Variants in TRABD2B observed in about 807,000 individuals in gnomAD.
The protein encoded by TRABD2B is metalloprotease TIKI2.
A neutral mutation model predicts 40.1 loss-of-function variants in TRABD2B; 14 were observed. The ratio of observed to expected loss-of-function variants is 0.35; its 90% confidence interval spans 0.23 to 0.55. The LOEUF is 0.55. TRABD2B is among the 20% of genes least tolerant of loss of function. The pLI, the probability that TRABD2B is intolerant of heterozygous loss-of-function variation, is 0.90. For synonymous variants in TRABD2B, 263 were observed against 277.0 expected, an observed-to-expected ratio of 0.95 and a Z score of 0.50; for missense variants, 541 against 648.6, an observed-to-expected ratio of 0.83 and a Z score of 1.80.
chr1:47,966,272 T>C (rs1645601875), intron 2 of TRABD2B, among the ~76,000 whole-genome samples: 1 of 143,462 alleles, frequency 7.0e-6, no homozygotes, highest in Admixed American at 6.9e-5. Flanking sequence ...AATGTGACTC[T>C]GGAAGGCAGC....
chr1:47,921,736 T>C (rs1644904073), intron 2 of TRABD2B, among the ~76,000 whole-genome samples: 1 of 152,044 alleles, frequency 6.6e-6, no homozygotes. Flanking sequence ...TGCGATGGAG[T>C]GTGCTAGAAA....
intron 6 of TRABD2B, among the ~76,000 whole-genome samples, chr1:47,774,347 G>A (rs572907348): frequency 1.3e-3 from 193 of 152,336 alleles, no homozygotes; most frequent in South Asian, 3.7e-3. Context: ...AGCTGGGCCA[G>A]TGCAGTGGGT....
intron 2 of TRABD2B, among the ~76,000 whole-genome samples, chr1:47,879,389 G>A (rs1046322141): frequency 8.6e-5 from 13 of 152,026 alleles, no homozygotes; most frequent in African/African-American, 2.7e-4. Flanking sequence ...ATTTACCACT[G>A]TGTTACAATT....
chr1:47,948,704 G>A (rs1645295709), intron 2 of TRABD2B, among the ~76,000 whole-genome samples: 1 of 152,108 alleles, frequency 6.6e-6, no homozygotes, highest in African/African-American at 2.4e-5. Flanking sequence ...AAGCTTCTAA[G>A]ACCGTCCCAA....
intron 2 of TRABD2B, among the ~76,000 whole-genome samples, chr1:47,829,693 T>A (rs1422725385): frequency 6.6e-6 from 1 of 152,174 alleles, no homozygotes; most frequent in Admixed American, 6.5e-5. Context: ...AGTTCTAAGA[T>A]TTAAATTGGA....
chr1:47,886,869 G>A (rs1213472674), intron 2 of TRABD2B, among the ~76,000 whole-genome samples: 1 of 152,134 alleles, frequency 6.6e-6, no homozygotes, highest in East Asian at 1.9e-4. Flanking sequence ...TCTCTGACAG[G>A]TTTCTAATGT....
At chr1:47,921,266 G>A (rs1644898297) in intron 2 of TRABD2B, among the ~76,000 whole-genome samples, 1 of 152,200 alleles carries the variant, frequency 6.6e-6, no homozygotes, top group African/African-American at 2.4e-5. Context: ...CAGAAGTGGA[G>A]ACGTTTTCTG....
chr1:47,776,757 C>G (rs1310198144), intron 5 of TRABD2B, among the ~76,000 whole-genome samples: 1 of 152,192 alleles, frequency 6.6e-6, no homozygotes, highest in Non-Finnish European at 1.5e-5. Flanking sequence ...CCAGCCCACT[C>G]TCACACGGCA....
At chr1:47,773,191 C>T in intron 6 of TRABD2B, among the ~76,000 whole-genome samples, 1 of 152,222 alleles carries the variant, frequency 6.6e-6, no homozygotes, top group East Asian at 1.9e-4. Flanking sequence ...AGTGACCAGC[C>T]TAATTGGAAC....
chr1:47,891,817 A>AAACAAAAC (rs1438586665), intron 2 of TRABD2B, among the ~76,000 whole-genome samples: 5 of 151,978 alleles, frequency 3.3e-5, no homozygotes, highest in African/African-American at 1.2e-4. Context: ...AAACAAAACA[A>AAACAAAAC]AACAAAACAA....
At chr1:47,960,807 A>G (rs1054811969) in intron 2 of TRABD2B, among the ~76,000 whole-genome samples, 1 of 152,172 alleles carries the variant, frequency 6.6e-6, no homozygotes, top group Non-Finnish European at 1.5e-5. Context: ...TATAGATTCA[A>G]TGCCATCCCC....
Position 47,806,134 on chromosome 1 carries a change from C to T in TRABD2B, c.667-4515G>A, listed in dbSNP as rs1034291334. Among the ~76,000 whole-genome samples the T allele has an allele frequency of 2.6e-5, 4 of 152,372 alleles. No homozygotes were observed. In the South Asian group the frequency reaches 6.2e-4, roughly 24 times the overall value. ...AACCAGGACTTCAGCGCGGTATGTG[C>T]TCCTTCACCAGCATCCTTGGTGCTT... On this transcript the variant is annotated intron_variant, in intron 2 of 6. Transcript: ENST00000606738.
intron 2 of TRABD2B, among the ~76,000 whole-genome samples, chr1:47,887,443 T>TCATGACTCAATTTCCC (rs1644385320): frequency 6.6e-6 from 1 of 151,940 alleles, no homozygotes; most frequent in African/African-American, 2.4e-5. Context: ...GGCTTGGGAG[T>TCATGACTCAATTTCCC]CATGACTCAA....
In TRABD2B at chr1:47,994,415, C is replaced by T. The variant is rs1452279781; in HGVS notation, c.285G>A (p.Ser95=). 20 of 1,536,012 alleles carry T rather than the reference C, an allele frequency of 1.3e-5. No individual in the cohort carries two copies. The highest frequency in any genetic ancestry group is 5.5e-5 in the African/African-American group (4 of 73,056). ...GCAGCAGCTGGCAGCTGGCCAGGGC[C>T]GAGATGGTGTAGGGGTCTGTAAGGT... is the stretch of plus-strand genomic sequence containing the variant. ...ELDLTDPYTI[S]ALASCQLLPH... Residue 95 remains serine, a synonymous_variant, in exon 2 of 7, where the codon TCG becomes TCA. Transcript: ENST00000606738. The surrounding 1 kb of genome is among the most constrained non-coding windows in gnomAD (Gnocchi z 6.7).
intron 2 of TRABD2B, among the ~76,000 whole-genome samples, chr1:47,876,535 G>C (rs1167188258): frequency 6.6e-6 from 1 of 152,228 alleles, no homozygotes; most frequent in Non-Finnish European, 1.5e-5. Flanking sequence ...CTTGTGTATG[G>C]TGGTGGGGAG....
intron 2 of TRABD2B, among the ~76,000 whole-genome samples, chr1:47,904,241 T>A (rs1570253923): frequency 6.6e-6 from 1 of 152,152 alleles, no homozygotes; most frequent in East Asian, 1.9e-4. Flanking sequence ...TGGTAATAGG[T>A]CAGGGTCTTG....
rs1218308422 is a variant in TRABD2B, at chr1:47,801,617, C to T, written c.669G>A (p.Val223=). The part of the protein sequence containing the change: ...PLNNGLNFSQ[V]LFALNQTLLQ... ...GCAGGGTTTGGTTCAGGGCAAACAG[C>T]ACCTGGGCCGAGGAAAGAGAGAGGA... Residue 223 remains valine, a splice_region_variant and synonymous_variant, in exon 3 of 7, where the codon GTG becomes GTA. Coordinates refer to ENST00000606738, the MANE Select transcript of TRABD2B (RefSeq NM_001194986.2). 3.3e-6 allele frequency: 5 copies of T among 1,535,486 alleles called. No homozygotes were observed. The highest frequency in any genetic ancestry group is 4.4e-6 in the Non-Finnish European group (5 of 1,146,446).
chr1:47,910,652 A>G (rs1644750487), intron 2 of TRABD2B, among the ~76,000 whole-genome samples: 1 of 152,172 alleles, frequency 6.6e-6, no homozygotes, highest in East Asian at 1.9e-4. Context: ...TAGTAGTTAG[A>G]AAAAGCACAG....
chr1:47,827,414 A>T (rs1313649630), intron 2 of TRABD2B, among the ~76,000 whole-genome samples: 1 of 152,226 alleles, frequency 6.6e-6, no homozygotes, highest in African/African-American at 2.4e-5. Context: ...CAAGACCCTT[A>T]TCTCTCTGCT....
Sources: gnomAD v4.1 joint callset for allele counts (sites outside exome capture counted in the v4.1 genomes callset) on GRCh38, gnomAD v4.1.1 for gene constraint, Gnocchi (gnomAD v3.1) non-coding constraint, MANE v1.5 for transcripts, NCBI Gene and HGNC (gene_info 2026-07-23, HGNC 2026-07-21) for gene names.